The following IFT74 variants were observed in gnomAD, a reference collection of about 807,000 sequenced individuals.
IFT74 encodes intraflagellar transport 74, also known as intraflagellar transport protein 74 homolog.
In IFT74, 92 loss-of-function variants were observed where a neutral mutation model predicts 96.7. The observed-to-expected ratio is 0.95, with a 90% CI of 0.80 to 1.13. The LOEUF is 1.13. Ranked by LOEUF, IFT74 falls within the 50% of genes most tolerant of loss-of-function variation. IFT74 has a pLI of 0.00. For missense variants in IFT74, 811 were observed against 698.2 expected (o/e 1.16, Z -1.82); for synonymous variants, 223 against 213.2 (o/e 1.05, Z -0.40).
chr9:26,970,759 C>A (rs934713150), intron 2 of IFT74, among the ~76,000 whole-genome samples: 1 of 152,224 alleles, frequency 6.6e-6, no homozygotes, highest in African/African-American at 2.4e-5. Flanking sequence ...AGAATTAGTA[C>A]TATTCCTGGC....
chr9:27,011,268 G>A (rs1045589660), intron 9 of IFT74, among the ~76,000 whole-genome samples: 6 of 152,058 alleles, frequency 3.9e-5, no homozygotes, highest in African/African-American at 7.2e-5. Flanking sequence ...AAAAAAGAAA[G>A]AGTATGATAG....
At chr9:27,039,507 G>A (rs908435329) in intron 13 of IFT74, among the ~76,000 whole-genome samples, 1 of 152,062 alleles carries the variant, frequency 6.6e-6, no homozygotes, top group African/African-American at 2.4e-5. Flanking sequence ...AATCAGCCTG[G>A]ACAACATAGA....
At chr9:27,041,502 G>A (rs1438002621) in intron 13 of IFT74, among the ~76,000 whole-genome samples, 3 of 152,066 alleles carry the variant, frequency 2.0e-5, no homozygotes, top group Admixed American at 1.3e-4. Flanking sequence ...AGAAGTATGC[G>A]CACATCAAAT....
chr9:26,967,278 C>A (rs1446720332), intron 2 of IFT74, among the ~76,000 whole-genome samples: 1 of 151,920 alleles, frequency 6.6e-6, no homozygotes, highest in Middle Eastern at 3.2e-3. Context: ...TTCATTGCAT[C>A]AGTGTTTTAT....
intron 13 of IFT74, chr9:27,036,767 A>G (rs1382457690): frequency 1.7e-6 from 2 of 1,163,468 alleles, no homozygotes; most frequent in Non-Finnish European, 2.1e-6. Context: ...GCTGTCTCTC[A>G]ACAAGAAAAT....
intron 2 of IFT74, among the ~76,000 whole-genome samples, chr9:26,966,445 G>A (rs10812504): frequency 0.31 from 47,161 of 151,728 alleles, 8,461 homozygotes; most frequent in East Asian, 0.69. Context: ...GCACCTTTTC[G>A]TATACCTGTT....
Position 26,980,488 on chromosome 9 carries a change from AGT to A in IFT74, c.257-80_257-79del, listed in dbSNP as rs1827323067. 6.2e-6 allele frequency: 5 copies of A among 812,676 alleles called. No homozygotes were observed. The South Asian group carries it at 6.8e-5, about 11-fold the overall frequency. 50.3% of individuals were successfully genotyped at this position (812,676 alleles called of 1,614,324 possible). ...ATGAAGACTGTCTTGAGAATTGTGG[AGT>A]GTAATTCTGATTGTGCTTTGGATTT... On this transcript the variant is annotated intron_variant, in intron 3 of 19. Coordinates refer to ENST00000380062, the MANE Select transcript of IFT74 (RefSeq NM_025103.4).
At chr9:27,025,226 T>C (rs1364008599) in intron 12 of IFT74, among the ~76,000 whole-genome samples, 2 of 151,328 alleles carry the variant, frequency 1.3e-5, no homozygotes, top group African/African-American at 2.4e-5. Flanking sequence ...GGGCGGAACA[T>C]GAGGTCAGGA....
chr9:27,021,173 A>G lies in IFT74; in HGVS notation c.974+2486A>G, dbSNP rs138806806. ...TATATGTATAAATATATATGTATGT[A>G]TATGTATAAATATATACGCACACAC... is the stretch of plus-strand genomic sequence containing the variant. On this transcript the variant is annotated intron_variant, in intron 12 of 19. Coordinates refer to ENST00000380062, the MANE Select transcript of IFT74 (RefSeq NM_025103.4). 6.9e-3 allele frequency among the ~76,000 whole-genome samples: 1,057 copies of G among 152,222 alleles called. 9 individuals carry two copies. Among genetic ancestry groups the G allele is most frequent in the African/African-American group, 0.024 (981 of 41,550 alleles).
At chr9:27,016,875 A>G in intron 10 of IFT74, 32 bp from the exon 11 acceptor site, 1 of 1,544,926 alleles carries the variant, frequency 6.5e-7, no homozygotes. Flanking sequence ...ATAAAATACT[A>G]ATTAAAACTT....
At chr9:26,955,503 C>T (rs1826052497), upstream of IFT74, among the ~76,000 whole-genome samples, 1 of 152,064 alleles carries the variant, frequency 6.6e-6, no homozygotes. Flanking sequence ...CTTTCAGTTC[C>T]TGTAAGGGTG....
At chr9:27,052,961 T>C (rs1819998335) in intron 16 of IFT74, among the ~76,000 whole-genome samples, 1 of 151,992 alleles carries the variant, frequency 6.6e-6, no homozygotes. Context: ...CCCCAGGGGT[T>C]CACGCCATTC....
chr9:27,021,950 T>G (rs886503209), intron 12 of IFT74, among the ~76,000 whole-genome samples: 2 of 152,196 alleles, frequency 1.3e-5, no homozygotes, highest in Non-Finnish European at 2.9e-5. Flanking sequence ...CTTCTAGAAT[T>G]TGTATGGGTT....
intron 13 of IFT74, among the ~76,000 whole-genome samples, chr9:27,040,418 G>A (rs1014604981): frequency 4.0e-5 from 6 of 151,880 alleles, no homozygotes; most frequent in South Asian, 2.1e-4. Flanking sequence ...GCATGGTGGC[G>A]TGTGCCTGTA....
At chr9:26,964,889 G>T (rs1826540267) in intron 2 of IFT74, among the ~76,000 whole-genome samples, 1 of 152,134 alleles carries the variant, frequency 6.6e-6, no homozygotes, top group Admixed American at 6.5e-5. Flanking sequence ...AAGAGAGTGT[G>T]TCATAAATAG....
chr9:27,011,881 T>C, intron 9 of IFT74, 25 bp from the exon 10 acceptor site: 1 of 1,492,312 alleles, frequency 6.7e-7, no homozygotes, highest in Non-Finnish European at 9.0e-7. Context: ...TTTGGATTTA[T>C]GTTTGCTTTT....
At chr9:27,009,829 A>C (rs910561191) in intron 9 of IFT74, among the ~76,000 whole-genome samples, 1 of 152,070 alleles carries the variant, frequency 6.6e-6, no homozygotes, top group Non-Finnish European at 1.5e-5. Flanking sequence ...TTAAAAATTA[A>C]TTTTTTTATT....
chr9:27,040,613 A>G (rs1819437320), intron 13 of IFT74, among the ~76,000 whole-genome samples: 1 of 151,454 alleles, frequency 6.6e-6, no homozygotes, highest in South Asian at 2.1e-4. Context: ...AAGTATTCCA[A>G]GTGCTAAGAA....
intron 2 of IFT74, among the ~76,000 whole-genome samples, chr9:26,963,788 C>G (rs984682639): frequency 6.6e-6 from 1 of 152,086 alleles, no homozygotes; most frequent in African/African-American, 2.4e-5. Context: ...TGTCTTTCGC[C>G]CACTTTTTGA....
Sources: gnomAD v4.1 joint callset for allele counts (sites outside exome capture counted in the v4.1 genomes callset) on GRCh38, gnomAD v4.1.1 for gene constraint, MANE v1.5 for transcripts, NCBI Gene and HGNC (gene_info 2026-07-23, HGNC 2026-07-21) for gene names.